AAK1: variants seen among roughly 807,000 people sequenced by gnomAD.
AAK1 encodes the protein AP2-associated protein kinase 1.
A neutral mutation model predicts 116.0 loss-of-function variants in AAK1; 37 were observed. The ratio of observed to expected loss-of-function variants is 0.32; its 90% CI spans 0.25 to 0.42. The LOEUF (loss-of-function observed/expected upper bound fraction) is 0.42. Among genes scored for constraint, AAK1 ranks in the 10% least tolerant of loss-of-function variants. AAK1 has a pLI of 1.00. For missense variants in AAK1, 919 were observed against 1,170.6 expected, an observed-to-expected ratio of 0.79 and a Z score of 3.14; for synonymous variants, 458 against 439.9, an observed-to-expected ratio of 1.04 and a Z score of -0.51.
At chr2:69,509,108 A>C (rs1347779609) in intron 14 of AAK1, 123 bp downstream of exon 14, 1 of 765,200 alleles carries the variant, frequency 1.3e-6, no homozygotes, top group African/African-American at 1.8e-5. Context: ...AAACAAACAC[A>C]AGTACACACC....
rs532342431 is a variant in AAK1 at position 69,609,902 on chromosome 2, T to C, written c.163+32976A>G. ...ATCTCTACTAAAAAATACAAAAAATTAGCCGAGCATGGTGGCGGGCACCTG... is the reference window on the plus strand; with the variant it reads ...ATCTCTACTAAAAAATACAAAAAATCAGCCGAGCATGGTGGCGGGCACCTG... On this transcript the variant is annotated intron_variant, in intron 2 of 21. Coordinates refer to ENST00000409085, the MANE Select transcript of AAK1 (RefSeq NM_014911.5). Among the ~76,000 whole-genome samples the C allele has an allele frequency of 1.1e-4, 17 of 151,414 alleles. 1 individual carries two copies. The South Asian group carries it at 3.6e-3, about 32-fold the overall frequency.
chr2:69,613,356 T>C (rs1166059910), intron 2 of AAK1, among the ~76,000 whole-genome samples: 1 of 152,196 alleles, frequency 6.6e-6, no homozygotes, highest in Non-Finnish European at 1.5e-5. Flanking sequence ...TTTGTTAATA[T>C]TTGGTCTTAG....
chr2:69,640,049 ACACACTCTCT>A (rs933495858), intron 2 of AAK1, among the ~76,000 whole-genome samples: 4 of 115,102 alleles, frequency 3.5e-5, no homozygotes, highest in South Asian at 2.6e-4. Context: ...ACACACACAC[ACACACTCTCT>A]CTCTCTCTCT....
In AAK1 at chr2:69,579,395, A is replaced by G. The variant is rs182813602; in HGVS notation, c.164-22417T>C. On this transcript the variant is annotated intron_variant, in intron 2 of 21. Coordinates refer to ENST00000409085, the MANE Select transcript of AAK1 (RefSeq NM_014911.5). ...AGGGGTTGAGACTAGACTGGGCAAC[A>G]TGGAGAGACCCCATCTCTACAAAAA... is the stretch of plus-strand genomic sequence containing the variant. Among the ~76,000 whole-genome samples the G allele has an allele frequency of 5.3e-5, 8 of 152,242 alleles. No individual in the cohort carries two copies. In the East Asian group the frequency reaches 1.5e-3, roughly 29 times the overall value.
In AAK1 at chr2:69,465,497, C is replaced by T. The variant is rs1387871109; in HGVS notation, c.*10372G>A. The T allele has an allele frequency of 1.5e-6, 2 of 1,290,828 alleles. No individual in the cohort carries two copies. The highest frequency in any genetic ancestry group is 2.0e-6 in the Non-Finnish European group (2 of 988,880). 80.0% of individuals were successfully genotyped at this position (1,290,828 alleles called of 1,614,324 possible). On this transcript the variant is annotated 3_prime_UTR_variant, in exon 22 of 22. Transcript: ENST00000409085. ...GATCAGCAGCTGGCAGCTCCGTAGT[C>T]CTGGAGGAAAGGGATGTGATAGAAA...
chr2:69,470,037 A>C lies in AAK1; in HGVS notation c.*5832T>G. On this transcript the variant is annotated 3_prime_UTR_variant, in exon 22 of 22. Transcript: ENST00000409085. The stretch of plus-strand genomic sequence containing the variant: ...ATCATTTAGGATGGGTTTCCCCTGG[A>C]AACTCCATCTGATTGACATAGTGAG... 1.0e-6 allele frequency: 1 copy of C among 985,460 alleles called. No homozygotes were observed. Among genetic ancestry groups the C allele is most frequent in the South Asian group, 4.7e-5 (1 of 21,282 alleles). The allele number at this position is 985,460 out of a possible 1,614,324, so 61.0% of individuals were successfully genotyped here.
rs1315239507 is a variant in AAK1 at position 69,466,150 on chromosome 2, C to T, written c.*9719G>A. On this transcript the variant is annotated 3_prime_UTR_variant, in exon 22 of 22. Coordinates refer to ENST00000409085, the MANE Select transcript of AAK1 (RefSeq NM_014911.5). The stretch of plus-strand genomic sequence containing the variant: ...TCTGGCTCACTGAGCCCATCAGTGG[C>T]TGGCTGTGTGAAGGCTTGAAACTGG... 2.3e-6 allele frequency: 3 copies of T among 1,290,270 alleles called. No individual in the cohort carries two copies. Among genetic ancestry groups the T allele is most frequent in the Admixed American group, 4.6e-5 (2 of 43,552 alleles). 79.9% of individuals were successfully genotyped at this position (1,290,270 alleles called of 1,614,324 possible). A position where few individuals can be genotyped will look rare whatever the true frequency, so the allele number is the denominator to read the frequency against.
chr2:69,555,275 G>T lies in AAK1; in HGVS notation c.282+1585C>A, dbSNP rs116563324. Among the ~76,000 whole-genome samples the T allele has an allele frequency of 8.3e-3, 1,262 of 152,324 alleles. 17 individuals carry two copies. The highest frequency in any genetic ancestry group is 0.029 in the African/African-American group (1,207 of 41,570). On this transcript the variant is annotated intron_variant, in intron 3 of 21. Coordinates refer to ENST00000409085, the MANE Select transcript of AAK1 (RefSeq NM_014911.5). ...TGGTGCCTTACAGACAGGCCCACGTGGTCTTGACTGTATGTATATGGCCCT... is the reference window on the plus strand; with the variant it reads ...TGGTGCCTTACAGACAGGCCCACGTTGTCTTGACTGTATGTATATGGCCCT...
intron 2 of AAK1, among the ~76,000 whole-genome samples, chr2:69,633,080 G>C (rs185331011): frequency 6.6e-6 from 1 of 151,268 alleles, no homozygotes; most frequent in East Asian, 1.9e-4. Flanking sequence ...AATTAGCCAG[G>C]CATGGTGGCA....
At position 69,477,002 on chromosome 2, in the gene AAK1, A is replaced by G. The variant is rs1469265893; in HGVS notation, c.2681-12T>C. 6.3e-7 allele frequency: 1 copy of G among 1,575,100 alleles called. No homozygotes were observed. Among genetic ancestry groups the G allele is most frequent in the South Asian group, 1.1e-5 (1 of 88,366 alleles). On this transcript the variant is annotated splice_polypyrimidine_tract_variant and intron_variant, in intron 20 of 21. Transcript: ENST00000409085. ...ACTATCTTCTGCAGCTTAATACAGA[A>G]TGCAAGTACACAAGCAGAAACAACA...
chr2:69,482,513 A>C (rs1675128277), intron 18 of AAK1, 198 bp downstream of exon 18: 1 of 678,550 alleles, frequency 1.5e-6, no homozygotes, highest in East Asian at 2.7e-5. Flanking sequence ...CCAGATATCA[A>C]GAAAGGCAAA....
chr2:69,474,087 T>C lies in AAK1; in HGVS notation c.*1782A>G. On this transcript the variant is annotated 3_prime_UTR_variant, in exon 22 of 22. Transcript: ENST00000409085. Reference sequence around the variant, plus strand: ...AGAAGGAAGGCTGGAAGATTCAGACTTTTCCTCCAATGCCTTTCAAAGGCT... The same window carrying C: ...AGAAGGAAGGCTGGAAGATTCAGACCTTTCCTCCAATGCCTTTCAAAGGCT... 3.0e-6 allele frequency: 3 copies of C among 985,886 alleles called. No homozygotes were observed. Among genetic ancestry groups the C allele is most frequent in the Non-Finnish European group, 3.6e-6 (3 of 829,942 alleles). 61.1% of individuals were successfully genotyped at this position (985,886 alleles called of 1,614,324 possible).
intron 5 of AAK1, among the ~76,000 whole-genome samples, chr2:69,535,669 C>G (rs1179786276): frequency 6.6e-6 from 1 of 151,956 alleles, no homozygotes. Context: ...GGGGAAAGAG[C>G]ATTCCAAGCA....
At chr2:69,490,923 C>CCA (rs58662760) in intron 17 of AAK1, among the ~76,000 whole-genome samples, 50,478 of 147,588 alleles carry the variant, frequency 0.34, 9,259 homozygotes, top group East Asian at 0.54. Context: ...GTGTGTGTAC[C>CCA]CACACACACA....
At chr2:69,629,221 C>CTCA (rs1559016682) in intron 2 of AAK1, among the ~76,000 whole-genome samples, 1 of 152,170 alleles carries the variant, frequency 6.6e-6, no homozygotes, top group Non-Finnish European at 1.5e-5. Flanking sequence ...TGCTCACTAC[C>CTCA]CCAAATACAA....
chr2:69,593,607 T>C (rs756757965), intron 2 of AAK1, among the ~76,000 whole-genome samples: 11 of 152,272 alleles, frequency 7.2e-5, no homozygotes, highest in Middle Eastern at 6.8e-3. Context: ...TAATTAAATC[T>C]ATGGGTGATA....
intron 17 of AAK1, among the ~76,000 whole-genome samples, chr2:69,493,607 T>C (rs1036130103): frequency 6.6e-6 from 1 of 152,208 alleles, no homozygotes; most frequent in East Asian, 1.9e-4. Flanking sequence ...GACAGTGTCG[T>C]TGGCACAGCT....
chr2:69,465,429 G>C lies in AAK1; in HGVS notation c.*10440C>G. 1 of 1,285,950 alleles carries C rather than the reference G, an allele frequency of 7.8e-7. No homozygotes were observed. The highest frequency in any genetic ancestry group is 1.0e-6 in the Non-Finnish European group (1 of 985,484). The allele number at this position is 1,285,950 out of a possible 1,614,324, so 79.7% of individuals were successfully genotyped here. On this transcript the variant is annotated 3_prime_UTR_variant, in exon 22 of 22. Transcript: ENST00000409085. The stretch of plus-strand genomic sequence containing the variant: ...CTTGAGGCTCAGGTTTTGCTCCTAG[G>C]GTTTCTTGCCTGATTTTGAAGGGAA...
intron 17 of AAK1, 151 bp downstream of exon 17, chr2:69,495,834 T>C (rs544149236): frequency 1.6e-6 from 1 of 624,636 alleles, no homozygotes; most frequent in South Asian, 2.2e-5. Context: ...TTACTCCTCT[T>C]ATTGAGACAC....
Sources: gnomAD v4.1 joint callset for allele counts (sites outside exome capture counted in the v4.1 genomes callset) on GRCh38, gnomAD v4.1.1 for gene constraint, MANE v1.5 for transcripts, NCBI Gene and HGNC (gene_info 2026-07-23, HGNC 2026-07-21) for gene names.